Variants in ROR1 observed in about 807,000 individuals in gnomAD.
The protein encoded by ROR1 is inactive tyrosine-protein kinase transmembrane receptor ROR1.
ROR1 carries 19 observed loss-of-function variants against 78.8 expected under a neutral mutation model. The ratio of observed to expected loss-of-function variants is 0.24; its 90% CI spans 0.17 to 0.35. The LOEUF is 0.35. Ranked by LOEUF, ROR1 falls within the 10% of genes least tolerant of loss-of-function variation. The pLI is 1.00. For synonymous variants in ROR1, 386 were observed against 433.6 expected (o/e 0.89, Z 1.36); for missense variants, 917 against 1,177.8 (o/e 0.78, Z 3.24).
At chr1:63,810,164 T>C (rs990256363) in intron 1 of ROR1, among the ~76,000 whole-genome samples, 2 of 152,260 alleles carry the variant, frequency 1.3e-5, no homozygotes, top group Admixed American at 6.5e-5. Context: ...ATGTTCATTT[T>C]ACAGGTGTGT....
chr1:64,165,220 G>A (rs1018753862), intron 8 of ROR1, among the ~76,000 whole-genome samples: 3 of 152,148 alleles, frequency 2.0e-5, no homozygotes, highest in Admixed American at 6.5e-5. Context: ...GTGTATAAGC[G>A]TTCCTTTTTC....
Position 63,805,086 on chromosome 1 carries a change from T to G in ROR1, c.91+30578T>G, listed in dbSNP as rs536259047. On this transcript the variant is annotated intron_variant, in intron 1 of 8. Transcript: ENST00000371079. ...AAAGGGAGGGTTCCTTTTCCTCTTT[T>G]GAAGATTCTGCTCCCCTGTAAGAAA... 1.4e-4 allele frequency among the ~76,000 whole-genome samples: 22 copies of G among 152,362 alleles called. No individual in the cohort carries two copies. In the South Asian group the frequency reaches 2.7e-3, roughly 19 times the overall value.
chr1:63,937,598 A>G (rs146280832), intron 1 of ROR1, among the ~76,000 whole-genome samples: 245 of 152,252 alleles, frequency 1.6e-3, no homozygotes, highest in Non-Finnish European at 2.6e-3. Context: ...CATCTTGGGC[A>G]TGGCTGGCTC....
intron 1 of ROR1, among the ~76,000 whole-genome samples, chr1:63,807,806 G>C (rs1214311863): frequency 6.6e-6 from 1 of 152,154 alleles, no homozygotes; most frequent in Admixed American, 6.5e-5. Context: ...GGTAAATAGA[G>C]TGGAGGGATC....
At chr1:64,153,847 A>G (rs1011935928) in intron 7 of ROR1, among the ~76,000 whole-genome samples, 2 of 152,292 alleles carry the variant, frequency 1.3e-5, no homozygotes, top group East Asian at 3.9e-4. Context: ...AATATATGTA[A>G]CATTATTGAA....
intron 7 of ROR1, among the ~76,000 whole-genome samples, chr1:64,158,154 T>A (rs1374610721): frequency 1.3e-5 from 2 of 152,222 alleles, no homozygotes; most frequent in African/African-American, 2.4e-5. Flanking sequence ...GTTCTACACA[T>A]ATTATATTCT....
chr1:64,177,504 A>G lies in ROR1; in HGVS notation c.1463A>G (p.Tyr488Cys). 1.9e-6 allele frequency: 3 copies of G among 1,614,148 alleles called. No homozygotes were observed. The highest frequency in any genetic ancestry group is 2.5e-6 in the Non-Finnish European group (3 of 1,180,016). The change falls in exon 9 of 9, where the codon TAT becomes TGT. Residue 488 changes from tyrosine (Y) to cysteine (C), a missense_variant. Tyr to Cys is a radical substitution (Grantham distance 194). Coordinates refer to ENST00000371079, the MANE Select transcript of ROR1 (RefSeq NM_005012.4). ...ELGECAFGKIYKGHLYLPGMD... is the reference protein window; with the variant it reads ...ELGECAFGKICKGHLYLPGMD... ...GGTGAGTGTGCCTTTGGAAAAATCTATAAAGGCCATCTCTATCTCCCAGGC... is the reference window on the plus strand; with the variant it reads ...GGTGAGTGTGCCTTTGGAAAAATCTGTAAAGGCCATCTCTATCTCCCAGGC...
At chr1:64,061,763 T>C (rs981726054) in intron 4 of ROR1, among the ~76,000 whole-genome samples, 30 of 152,222 alleles carry the variant, frequency 2.0e-4, no homozygotes, top group Admixed American at 1.3e-4. Context: ...GTTTCTTTAT[T>C]TGCAAAGTGA....
At chr1:63,872,327 G>A (rs1298195705) in intron 1 of ROR1, among the ~76,000 whole-genome samples, 1 of 152,168 alleles carries the variant, frequency 6.6e-6, no homozygotes, top group Non-Finnish European at 1.5e-5. Flanking sequence ...AAGCAGCAAG[G>A]CATAGTAGAA....
intron 1 of ROR1, among the ~76,000 whole-genome samples, chr1:63,861,738 C>T (rs1557532346): frequency 1.3e-5 from 2 of 152,168 alleles, no homozygotes; most frequent in South Asian, 2.1e-4. Context: ...TAATGGTACT[C>T]GTCAATGCAG....
intron 1 of ROR1, among the ~76,000 whole-genome samples, chr1:63,946,352 T>C (rs895994067): frequency 2.6e-5 from 4 of 152,180 alleles, no homozygotes; most frequent in Non-Finnish European, 5.9e-5. Flanking sequence ...CCCCCAGCGT[T>C]TTTCCCCAAT....
intron 2 of ROR1, among the ~76,000 whole-genome samples, chr1:64,034,198 T>A (rs57221327): frequency 0.025 from 3,593 of 143,888 alleles, 144 homozygotes; most frequent in African/African-American, 0.086. Context: ...TTTTTTTTTT[T>A]ATTATCCTGA....
intron 7 of ROR1, among the ~76,000 whole-genome samples, chr1:64,155,710 T>C (rs1649750188): frequency 1.3e-5 from 2 of 152,190 alleles, no homozygotes; most frequent in African/African-American, 4.8e-5. Flanking sequence ...TTGCTAAAAA[T>C]CTGGCCTGGA....
chr1:64,153,985 C>T (rs1649701053), intron 7 of ROR1, among the ~76,000 whole-genome samples: 1 of 152,190 alleles, frequency 6.6e-6, no homozygotes, highest in South Asian at 2.1e-4. Flanking sequence ...TGAGAGTTTA[C>T]AGAAACTTTT....
intron 1 of ROR1, among the ~76,000 whole-genome samples, chr1:63,909,395 G>T (rs562473299): frequency 6.6e-6 from 1 of 152,216 alleles, no homozygotes; most frequent in African/African-American, 2.4e-5. Flanking sequence ...GTAGTATATT[G>T]ATGTTATCTT....
chr1:64,058,586 G>T (rs1198877290), intron 4 of ROR1, among the ~76,000 whole-genome samples: 1 of 97,482 alleles, frequency 1.0e-5, no homozygotes, highest in African/African-American at 4.0e-5. Flanking sequence ...CCATTTAGAT[G>T]ATCGTGGTGG....
intron 2 of ROR1, among the ~76,000 whole-genome samples, chr1:64,017,157 C>T (rs990042746): frequency 4.6e-5 from 7 of 152,162 alleles, no homozygotes; most frequent in East Asian, 3.9e-4. Context: ...TCTGCCCCCT[C>T]GGCCCCCCAA....
At chr1:63,966,653 A>G (rs970562430) in intron 1 of ROR1, among the ~76,000 whole-genome samples, 4 of 152,240 alleles carry the variant, frequency 2.6e-5, no homozygotes, top group Non-Finnish European at 4.4e-5. Context: ...TCAACTAAGC[A>G]GTCTTAACTT....
intron 2 of ROR1, among the ~76,000 whole-genome samples, chr1:64,015,453 T>G (rs545850147): frequency 1.3e-5 from 2 of 152,184 alleles, no homozygotes; most frequent in Non-Finnish European, 2.9e-5. Context: ...TCAAGGCCTA[T>G]GACCAGGTTC....
Sources: allele counts gnomAD v4.1 joint callset (sites outside exome capture counted in the v4.1 genomes callset), GRCh38; gene constraint gnomAD v4.1.1; transcripts MANE v1.5; gene names NCBI Gene and HGNC (gene_info 2026-07-23, HGNC 2026-07-21).